The following TMPRSS9 variants were observed in gnomAD, a reference collection of about 807,000 sequenced individuals.
TMPRSS9 encodes transmembrane protease serine 9.
In TMPRSS9, 113 loss-of-function variants were observed where a neutral mutation model predicts 111.4. The observed-to-expected ratio is 1.01, with a 90% CI of 0.87 to 1.19. The LOEUF (loss-of-function observed/expected upper bound fraction) is 1.19. TMPRSS9 is among the 50% of genes most tolerant of loss of function. TMPRSS9 has a pLI of 0.00. For synonymous variants in TMPRSS9, 805 were observed against 659.1 expected (o/e 1.22, Z -3.39); for missense variants, 1,803 against 1,513.1 (o/e 1.19, Z -3.18).
upstream of TMPRSS9, among the ~76,000 whole-genome samples, chr19:2,389,114 G>GC (rs1199227462): frequency 8.5e-5 from 12 of 141,526 alleles, no homozygotes; most frequent in Non-Finnish European, 1.7e-4. Flanking sequence ...TTGCTCTGTC[G>GC]CCAGGCTGGA....
intron 11 of TMPRSS9, 139 bp from the exon 13 acceptor site, chr19:2,416,398 TG>T: frequency 8.7e-7 from 1 of 1,149,466 alleles, no homozygotes; most frequent in Non-Finnish European, 1.2e-6. Context: ...TCCTCCTCCC[TG>T]GAGCCGAAGG....
chr19:2,386,943 C>T (rs536356808), upstream of TMPRSS9, among the ~76,000 whole-genome samples: 14 of 152,198 alleles, frequency 9.2e-5, no homozygotes, highest in East Asian at 1.5e-3. Context: ...AGTGAGATCA[C>T]GCCACTGCAC....
At chr19:2,395,959 G>C (rs1350472660) in intron 1 of TMPRSS9, among the ~76,000 whole-genome samples, 3 of 152,188 alleles carry the variant, frequency 2.0e-5, no homozygotes, top group Non-Finnish European at 2.9e-5. Flanking sequence ...AGTGAGCCGA[G>C]ATTGCGCCAC....
chr19:2,388,427 A>G (rs1023117755), upstream of TMPRSS9, among the ~76,000 whole-genome samples: 2 of 151,964 alleles, frequency 1.3e-5, no homozygotes, highest in Non-Finnish European at 2.9e-5. Flanking sequence ...AGAAAGAGAG[A>G]CTGGAAGAGG....
At chr19:2,424,952 G>A (rs757373550) in intron 15 of TMPRSS9, 50 bp from the exon 17 acceptor site, 13 of 1,409,792 alleles carry the variant, frequency 9.2e-6, no homozygotes, top group Non-Finnish European at 1.2e-5. Flanking sequence ...AGGGGCGGGG[G>A]CCGGGGGCGT....
intron 1 of TMPRSS9, among the ~76,000 whole-genome samples, chr19:2,378,985 C>G (rs1970359638): frequency 6.6e-6 from 1 of 151,994 alleles, no homozygotes; most frequent in Non-Finnish European, 1.5e-5. Context: ...ATGATCTCCA[C>G]CTAGTCCCTC....
chr19:2,377,384 C>T (rs1438483936), intron 1 of TMPRSS9, among the ~76,000 whole-genome samples: 1 of 146,164 alleles, frequency 6.8e-6, no homozygotes, highest in East Asian at 2.1e-4. Context: ...GTCCTTCTGC[C>T]TCAGCCTCCC....
chr19:2,388,951 A>C (rs1382580889), upstream of TMPRSS9, among the ~76,000 whole-genome samples: 1 of 151,724 alleles, frequency 6.6e-6, no homozygotes, highest in Admixed American at 6.6e-5. Flanking sequence ...CTAAGCCCCC[A>C]AGCGTGGGGT....
At chr19:2,401,148 C>G (rs1164883566) in intron 4 of TMPRSS9, among the ~76,000 whole-genome samples, 5 of 152,040 alleles carry the variant, frequency 3.3e-5, no homozygotes, top group Non-Finnish European at 7.4e-5. Context: ...GTGGCGGGCG[C>G]CTGTAGTCCC....
chr19:2,364,528 G>T (rs938653492), intron 1 of TMPRSS9, among the ~76,000 whole-genome samples: 7 of 151,958 alleles, frequency 4.6e-5, no homozygotes, highest in African/African-American at 1.5e-4. Flanking sequence ...GATTACAGGC[G>T]GGAGCCACGG....
chr19:2,425,563 C>G (rs1971601894), intron 17 of TMPRSS9, 70 bp downstream of exon 18: 3 of 1,439,928 alleles, frequency 2.1e-6, no homozygotes, highest in African/African-American at 2.9e-5. Context: ...CCCGCTGCCA[C>G]GAAGCCCACC....
chr19:2,370,535 C>G (rs1193131953), intron 1 of TMPRSS9, among the ~76,000 whole-genome samples: 11 of 151,884 alleles, frequency 7.2e-5, no homozygotes, highest in Non-Finnish European at 1.5e-4. Context: ...TCGCTATGTT[C>G]CTCAGGCTGG....
chr19:2,421,852 A>G lies in TMPRSS9; in HGVS notation c.2155-2A>G, dbSNP rs867155411. ...AACCAGTGCTCTTTCCTTCCTTTCT[A>G]GGGTGACTCTGGGGGCCCCCTGGCC... On this transcript the variant is annotated splice_acceptor_variant, in intron 13 of 17. Transcript: ENST00000648592. LOFTEE classifies it high-confidence loss of function. The G allele has an allele frequency of 2.5e-6, 4 of 1,595,158 alleles. No individual in the cohort carries two copies. The highest frequency in any genetic ancestry group is 1.1e-5 in the South Asian group (1 of 88,902).
At chr19:2,368,871 G>A (rs1970268446) in intron 1 of TMPRSS9, among the ~76,000 whole-genome samples, 1 of 137,644 alleles carries the variant, frequency 7.3e-6, no homozygotes, top group Non-Finnish European at 1.5e-5. Context: ...TGCAACCTCC[G>A]CCTCCTGGGC....
At chr19:2,408,505 A>G in exon 8 of TMPRSS9, 2 of 1,613,858 alleles carry the variant, frequency 1.2e-6, no homozygotes, top group Non-Finnish European at 1.7e-6. Flanking sequence ...GCTGTGCTGG[A>G]GCTGACCAGC....
chr19:2,402,935 C>T (rs1599297129), intron 5 of TMPRSS9, 147 bp from the exon 7 acceptor site: 2 of 633,860 alleles, frequency 3.2e-6, no homozygotes, highest in Admixed American at 2.5e-5. Context: ...GTCTCAAAAA[C>T]AAAAATAAAA....
intron 9 of TMPRSS9, among the ~76,000 whole-genome samples, chr19:2,411,988 T>C (rs1471178579): frequency 6.6e-6 from 1 of 152,232 alleles, no homozygotes; most frequent in African/African-American, 2.4e-5. Flanking sequence ...TAATCCGTTA[T>C]GTTTCTTCTA....
chr19:2,425,098 C>A, exon 16 of TMPRSS9: 1 of 1,583,636 alleles, frequency 6.3e-7, no homozygotes, highest in African/African-American at 1.3e-5. Context: ...TCTACAAGCA[C>A]CCGTTCTACA....
upstream of TMPRSS9, among the ~76,000 whole-genome samples, chr19:2,389,357 A>G (rs867655527): frequency 6.2e-4 from 89 of 144,660 alleles, 1 homozygote; most frequent in South Asian, 4.2e-3. Flanking sequence ...TTACAGGCAT[A>G]AGCCACCGCA....
Sources: allele counts gnomAD v4.1 joint callset (sites outside exome capture counted in the v4.1 genomes callset), GRCh38; gene constraint gnomAD v4.1.1; transcripts MANE v1.5; gene names NCBI Gene and HGNC (gene_info 2026-07-23, HGNC 2026-07-21).